Variants in PTPRD observed in about 807,000 individuals in gnomAD.
The protein encoded by PTPRD is receptor-type tyrosine-protein phosphatase delta.
In PTPRD, 34 loss-of-function variants were observed where a neutral mutation model predicts 214.5. The ratio of observed to expected loss-of-function variants is 0.16; its 90% CI spans 0.12 to 0.21. The LOEUF (loss-of-function observed/expected upper bound fraction) is 0.21. Ranked by LOEUF, PTPRD falls within the 10% of genes least tolerant of loss-of-function variation. PTPRD has a pLI of 1.00. For missense variants in PTPRD, 2,545 were observed against 2,398.7 expected (o/e 1.06, Z -1.27); for synonymous variants, 1,128 against 845.7 (o/e 1.33, Z -5.79).
At chr9:10,385,653 TTTCAGCTTCAG>T (rs1436579708) in intron 2 of PTPRD, among the ~76,000 whole-genome samples, 12 of 151,860 alleles carry the variant, frequency 7.9e-5, no homozygotes, top group African/African-American at 2.9e-4. Flanking sequence ...AATTAATCTC[TTTCAGCTTCAG>T]TTCATTCACT....
intron 8 of PTPRD, among the ~76,000 whole-genome samples, chr9:9,448,864 G>A (rs2091303501): frequency 6.6e-6 from 1 of 151,968 alleles, no homozygotes; most frequent in South Asian, 2.1e-4. Context: ...TAATGGATGA[G>A]GTTGCTAATC....
At chr9:9,827,002 G>C (rs1421479187) in intron 5 of PTPRD, among the ~76,000 whole-genome samples, 2 of 152,038 alleles carry the variant, frequency 1.3e-5, no homozygotes, top group African/African-American at 2.4e-5. Context: ...TGAAATAAAT[G>C]AGGATACAAA....
rs1823058773 is a variant in PTPRD, at chr9:8,317,949, G to A, written c.5671-7C>T. The A allele has an allele frequency of 1.2e-6, 2 of 1,611,298 alleles. No homozygotes were observed. The highest frequency in any genetic ancestry group is 3.3e-5 in the Admixed American group (2 of 59,832). Reference sequence around the variant, plus strand: ...AGGAAAACTGATATTGATCCTGCAGGAGACAATGAATGGGGAGAAGCAAAA... The same window carrying A: ...AGGAAAACTGATATTGATCCTGCAGAAGACAATGAATGGGGAGAAGCAAAA... On this transcript the variant is annotated splice_region_variant and splice_polypyrimidine_tract_variant and intron_variant, in intron 45 of 45. Transcript: ENST00000381196.
At chr9:8,753,700 T>TCA (rs1565805968) in intron 11 of PTPRD, among the ~76,000 whole-genome samples, 16 of 152,232 alleles carry the variant, frequency 1.1e-4, no homozygotes, top group Admixed American at 9.8e-4. Flanking sequence ...ATTTCTTAAA[T>TCA]GTGCTATTTA....
Position 9,417,613 on chromosome 9 carries a change from T to C in PTPRD, c.-236-20131A>G, listed in dbSNP as rs143207634. On this transcript the variant is annotated intron_variant, in intron 8 of 45. Coordinates refer to ENST00000381196, the MANE Select transcript of PTPRD (RefSeq NM_002839.4). ...TGAAAGAAACCTGAGGGAAGTTGAG[T>C]TAAAAAATTATAGTCACAACAAAAC... Among the ~76,000 whole-genome samples, 123 of 152,144 alleles carry C rather than the reference T, an allele frequency of 8.1e-4. 5 individuals are homozygous for C. The East Asian group carries it at 0.023, about 28-fold the overall frequency.
intron 44 of PTPRD, among the ~76,000 whole-genome samples, chr9:8,330,831 T>A (rs1411945201): frequency 6.6e-6 from 1 of 150,614 alleles, no homozygotes; most frequent in Non-Finnish European, 1.5e-5. Flanking sequence ...ATATATTTTT[T>A]AATAAACTCT....
chr9:9,947,727 T>A (rs576138165), intron 4 of PTPRD, among the ~76,000 whole-genome samples: 28 of 139,300 alleles, frequency 2.0e-4, no homozygotes, highest in Admixed American at 1.4e-3. Context: ...CTAAAATACT[T>A]GAAGTTAGCA....
chr9:8,767,382 G>A (rs2094838328), intron 11 of PTPRD, among the ~76,000 whole-genome samples: 1 of 152,120 alleles, frequency 6.6e-6, no homozygotes, highest in Non-Finnish European at 1.5e-5. Flanking sequence ...CTCTCAAAGT[G>A]CTGGGATTAC....
chr9:8,466,375 G>T (rs1197105689), intron 31 of PTPRD, among the ~76,000 whole-genome samples: 1 of 151,862 alleles, frequency 6.6e-6, no homozygotes, highest in South Asian at 2.1e-4. Context: ...TATAGGCAAG[G>T]TAGATGAAAA....
chr9:8,601,549 C>T (rs1482318130), intron 14 of PTPRD, among the ~76,000 whole-genome samples: 3 of 152,192 alleles, frequency 2.0e-5, no homozygotes, highest in African/African-American at 7.2e-5. Flanking sequence ...CAGAGACAGA[C>T]TCCATTTGTT....
chr9:8,978,500 C>T (rs1421086096), intron 11 of PTPRD, among the ~76,000 whole-genome samples: 1 of 152,070 alleles, frequency 6.6e-6, no homozygotes, highest in Non-Finnish European at 1.5e-5. Context: ...TAGGGTGCCT[C>T]TATGCAAAAT....
intron 14 of PTPRD, among the ~76,000 whole-genome samples, chr9:8,577,601 A>C (rs1006488490): frequency 6.6e-6 from 1 of 152,146 alleles, no homozygotes; most frequent in African/African-American, 2.4e-5. Context: ...AGATCCTTCA[A>C]GACTTCAATC....
At chr9:8,346,357 T>C (rs7848818) in intron 39 of PTPRD, among the ~76,000 whole-genome samples, 29,930 of 152,072 alleles carry the variant, frequency 0.2, 3,716 homozygotes, top group East Asian at 0.34. Context: ...TTTCAAATTA[T>C]TTTATGCTCT....
At chr9:8,722,256 T>A (rs868760369) in intron 12 of PTPRD, among the ~76,000 whole-genome samples, 2 of 152,022 alleles carry the variant, frequency 1.3e-5, no homozygotes, top group Non-Finnish European at 2.9e-5. Context: ...GTGAGAGCTG[T>A]GAGCATTGCC....
chr9:10,287,686 T>G (rs146177088), intron 3 of PTPRD, among the ~76,000 whole-genome samples: 1 of 152,284 alleles, frequency 6.6e-6, no homozygotes, highest in Admixed American at 6.5e-5. Context: ...TTGCTTATCC[T>G]TTCTGTTTAG....
chr9:9,446,060 T>C (rs2090292508), intron 8 of PTPRD, among the ~76,000 whole-genome samples: 1 of 152,152 alleles, frequency 6.6e-6, no homozygotes, highest in South Asian at 2.1e-4. Context: ...TTGTTTTGGA[T>C]AAAGATTATT....
intron 7 of PTPRD, among the ~76,000 whole-genome samples, chr9:9,595,576 GTA>G (rs199739934): frequency 0.014 from 1,552 of 113,368 alleles, 23 homozygotes; most frequent in African/African-American, 0.044. Flanking sequence ...GTGTGTGTGT[GTA>G]TATACATATA....
At chr9:9,559,408 C>T (rs2082334396) in intron 8 of PTPRD, among the ~76,000 whole-genome samples, 1 of 152,238 alleles carries the variant, frequency 6.6e-6, no homozygotes, top group African/African-American at 2.4e-5. Flanking sequence ...CCTACTGGCA[C>T]TTCCAACTGC....
chr9:9,225,614 A>G (rs2099958947), intron 9 of PTPRD, among the ~76,000 whole-genome samples: 1 of 152,088 alleles, frequency 6.6e-6, no homozygotes, highest in Non-Finnish European at 1.5e-5. Context: ...TTGAGACATC[A>G]CTAGCTGAGA....
Sources: gnomAD v4.1 joint callset for allele counts (sites outside exome capture counted in the v4.1 genomes callset) on GRCh38, gnomAD v4.1.1 for gene constraint, MANE v1.5 for transcripts, NCBI Gene and HGNC (gene_info 2026-07-23, HGNC 2026-07-21) for gene names.